ELAPOR1: variants seen among roughly 807,000 people sequenced by gnomAD.
The protein encoded by ELAPOR1 is endosome/lysosome-associated apoptosis and autophagy regulator 1.
ELAPOR1 carries 77 observed loss-of-function variants against 119.7 expected under a neutral mutation model. That is an observed-to-expected ratio of 0.64 (90% confidence interval 0.54 to 0.78). The LOEUF is 0.78. Among genes scored for constraint, ELAPOR1 ranks in the 30% least tolerant of loss-of-function variants. The pLI is 0.00. For synonymous variants in ELAPOR1, 481 were observed against 487.2 expected (o/e 0.99, Z 0.17); for missense variants, 1,115 against 1,270.4 (o/e 0.88, Z 1.86).
chr1:109,160,764 A>G (rs1651197989), intron 1 of ELAPOR1, among the ~76,000 whole-genome samples: 1 of 151,892 alleles, frequency 6.6e-6, no homozygotes, highest in South Asian at 2.1e-4. Flanking sequence ...TGTAGATTGT[A>G]AAATACTTGT....
intron 7 of ELAPOR1, among the ~76,000 whole-genome samples, chr1:109,175,565 G>T (rs1201253697): frequency 6.7e-6 from 1 of 149,578 alleles, no homozygotes; most frequent in East Asian, 2.0e-4. Flanking sequence ...GGTGGCTCGC[G>T]CCTGTAATCC....
chr1:109,159,586 C>G (rs1476688431), intron 1 of ELAPOR1, among the ~76,000 whole-genome samples: 1 of 152,082 alleles, frequency 6.6e-6, no homozygotes, highest in Non-Finnish European at 1.5e-5. Context: ...TAAATTTGGC[C>G]CTGTGTGAGT....
chr1:109,171,837 C>T, intron 3 of ELAPOR1, 29 bp from the exon 4 acceptor site: 1 of 1,613,012 alleles, frequency 6.2e-7, no homozygotes, highest in East Asian at 2.2e-5. Context: ...GTGCTCCTGC[C>T]TGTGAACCTG....
chr1:109,144,955 A>G (rs966337570), intron 1 of ELAPOR1, among the ~76,000 whole-genome samples: 6 of 152,344 alleles, frequency 3.9e-5, no homozygotes, highest in African/African-American at 1.4e-4. Context: ...TATATCATGC[A>G]TATACATAAT....
chr1:109,179,567 T>C lies in ELAPOR1; in HGVS notation c.953-5478T>C, dbSNP rs114419047. Among the ~76,000 whole-genome samples the C allele has an allele frequency of 8.3e-3, 1,263 of 152,154 alleles. 27 individuals are homozygous for C. The highest frequency in any genetic ancestry group is 0.029 in the African/African-American group (1,203 of 41,526). Reference sequence around the variant, plus strand: ...ATGGAGCAGTCCTTCTGTGCTATTGTAGGGGCAAAAAATTGGGATTTGATC... The same window carrying C: ...ATGGAGCAGTCCTTCTGTGCTATTGCAGGGGCAAAAAATTGGGATTTGATC... On this transcript the variant is annotated intron_variant, in intron 7 of 21. Coordinates refer to ENST00000369939, the MANE Select transcript of ELAPOR1 (RefSeq NM_020775.5).
intron 1 of ELAPOR1, among the ~76,000 whole-genome samples, chr1:109,127,758 C>T (rs552216060): frequency 3.3e-5 from 5 of 151,776 alleles, no homozygotes; most frequent in Admixed American, 3.3e-4. Flanking sequence ...GAGACTAGGT[C>T]TCACCATGTT....
intron 11 of ELAPOR1, 59 bp from the exon 12 acceptor site, chr1:109,191,307 G>C (rs1308146105): frequency 1.7e-6 from 2 of 1,180,140 alleles, no homozygotes; most frequent in African/African-American, 3.0e-5. Context: ...CTGTTGTCTG[G>C]GCTCTTCAAT....
intron 1 of ELAPOR1, among the ~76,000 whole-genome samples, chr1:109,132,876 G>A (rs893034789): frequency 3.3e-5 from 5 of 152,224 alleles, no homozygotes; most frequent in South Asian, 2.1e-4. Flanking sequence ...TCGGTTTTTA[G>A]GAAATACCTC....
At chr1:109,173,097 CAAAAAAAA>C (rs58149393) in intron 5 of ELAPOR1, among the ~76,000 whole-genome samples, 1 of 91,936 alleles carries the variant, frequency 1.1e-5, no homozygotes, top group Admixed American at 1.2e-4. Context: ...AACTCTGTCT[CAAAAAAAA>C]AAAAAAAAAA....
At chr1:109,169,834 C>T (rs1223124659) in intron 3 of ELAPOR1, among the ~76,000 whole-genome samples, 1 of 152,152 alleles carries the variant, frequency 6.6e-6, no homozygotes, top group African/African-American at 2.4e-5. Flanking sequence ...ATGGGAGGCT[C>T]ACATACAGTT....
rs189512254 is a variant in ELAPOR1 at position 109,195,596 on chromosome 1, T to C, written c.2121+1002T>C. Among the ~76,000 whole-genome samples the C allele has an allele frequency of 1.3e-3, 193 of 152,354 alleles. 3 individuals are homozygous for C. In the South Asian group the frequency reaches 0.022, roughly 17 times the overall value. On this transcript the variant is annotated intron_variant, in intron 15 of 21. Transcript: ENST00000369939. ...TTTCCCTTGCTTGAAAAAGCAGTCT[T>C]CAGCAATCACTGCATTTGTCGCTTG... is the stretch of plus-strand genomic sequence containing the variant.
intron 1 of ELAPOR1, among the ~76,000 whole-genome samples, chr1:109,141,928 G>C (rs1649852511): frequency 6.6e-6 from 1 of 151,984 alleles, no homozygotes; most frequent in South Asian, 2.1e-4. Context: ...GCCTCTCGAA[G>C]TGCTAGGATT....
In ELAPOR1 at chr1:109,204,469, G is replaced by C. The variant is rs1654375943; in HGVS notation, c.*1457G>C. The C allele has an allele frequency of 6.6e-6, 1 of 152,178 alleles. No homozygotes were observed. Among genetic ancestry groups the C allele is most frequent in the Non-Finnish European group, 1.5e-5 (1 of 68,066 alleles). The allele number at this position is 152,178 out of a possible 1,614,324, so 9.4% of individuals were successfully genotyped here. On this transcript the variant is annotated 3_prime_UTR_variant, in exon 22 of 22. Coordinates refer to ENST00000369939, the MANE Select transcript of ELAPOR1 (RefSeq NM_020775.5). ...TTTACCCACAGACATAGCAAACCCT[G>C]TCAGTGAGGAAAATTCCCCATCCTT...
At chr1:109,134,011 G>A (rs553228141) in intron 1 of ELAPOR1, among the ~76,000 whole-genome samples, 44 of 152,204 alleles carry the variant, frequency 2.9e-4, no homozygotes, top group Non-Finnish European at 6.2e-4. Flanking sequence ...GCCTGGCCCA[G>A]GGGAACTGTC....
intron 1 of ELAPOR1, among the ~76,000 whole-genome samples, chr1:109,119,486 C>CT (rs11331074): frequency 0.021 from 2,898 of 135,422 alleles, 34 homozygotes; most frequent in Non-Finnish European, 0.025. Context: ...ACTCAGCCTG[C>CT]TTTTTTTTTT....
chr1:109,164,133 A>G (rs941041708), intron 2 of ELAPOR1, among the ~76,000 whole-genome samples: 5 of 152,104 alleles, frequency 3.3e-5, no homozygotes, highest in Non-Finnish European at 7.4e-5. Context: ...CACAGCAACC[A>G]TCATCACTCT....
At chr1:109,194,293 T>G in intron 14 of ELAPOR1, 128 bp from the exon 15 acceptor site, 1 of 738,410 alleles carries the variant, frequency 1.4e-6, no homozygotes. Flanking sequence ...TAGCCACTCC[T>G]AATCCTTTCT....
At chr1:109,177,074 A>C (rs1236850894) in intron 7 of ELAPOR1, among the ~76,000 whole-genome samples, 1 of 144,726 alleles carries the variant, frequency 6.9e-6, no homozygotes, top group East Asian at 2.0e-4. Flanking sequence ...TTTCTATTCC[A>C]CAAAACCGCC....
chr1:109,145,462 C>T (rs1441641777), intron 1 of ELAPOR1, among the ~76,000 whole-genome samples: 1 of 152,042 alleles, frequency 6.6e-6, no homozygotes, highest in Non-Finnish European at 1.5e-5. Context: ...TTGAGACCAG[C>T]ATGGTCAACA....
Sources: allele counts gnomAD v4.1 joint callset (sites outside exome capture counted in the v4.1 genomes callset), GRCh38; gene constraint gnomAD v4.1.1; transcripts MANE v1.5; gene names NCBI Gene and HGNC (gene_info 2026-07-23, HGNC 2026-07-21).